Variants in ADRA1A observed in about 807,000 individuals in gnomAD.
The protein encoded by ADRA1A is adrenoceptor alpha 1A.
Under a neutral mutation model 29.6 loss-of-function variants are expected in ADRA1A, and 31 were observed. The observed-to-expected ratio is 1.05, with a 90% CI of 0.79 to 1.41. The LOEUF is 1.41. Ranked by LOEUF, ADRA1A falls within the 40% of genes most tolerant of loss-of-function variation. The pLI is 0.00. For synonymous variants in ADRA1A, 311 were observed against 254.3 expected, an observed-to-expected ratio of 1.22 and a Z score of -2.12; for missense variants, 619 against 601.1, an observed-to-expected ratio of 1.03 and a Z score of -0.31.
At chr8:26,765,820 A>T (rs1805745841), downstream of ADRA1A, 4 of 1,342,956 alleles carry the variant, frequency 3.0e-6, 1 homozygote, top group South Asian at 8.4e-5. Flanking sequence ...GCAATTGAGA[A>T]AGTTTGTCAA....
chr8:26,788,696 G>T (rs1807586920), intron 2 of ADRA1A, among the ~76,000 whole-genome samples: 2 of 151,932 alleles, frequency 1.3e-5, no homozygotes, highest in South Asian at 4.2e-4. Flanking sequence ...TTAATAATTT[G>T]CCAAAAAACA....
intron 2 of ADRA1A, among the ~76,000 whole-genome samples, chr8:26,833,914 G>A (rs1011956819): frequency 6.6e-6 from 1 of 152,200 alleles, no homozygotes; most frequent in African/African-American, 2.4e-5. Flanking sequence ...AATGCAATGA[G>A]CCAAGGAAAA....
intron 2 of ADRA1A, among the ~76,000 whole-genome samples, chr8:26,807,565 G>A (rs368427857): frequency 4.7e-5 from 7 of 149,194 alleles, no homozygotes; most frequent in African/African-American, 1.7e-4. Flanking sequence ...CCTTCAAAGT[G>A]GGGAGGACCA....
chr8:26,776,718 T>C (rs1381082351), intron 2 of ADRA1A, among the ~76,000 whole-genome samples: 1 of 152,212 alleles, frequency 6.6e-6, no homozygotes, highest in Non-Finnish European at 1.5e-5. Context: ...AGTAGTATCC[T>C]CAATAATTGC....
At chr8:26,752,917 G>GTCA (rs1478795279), downstream of ADRA1A, among the ~76,000 whole-genome samples, 6 of 152,326 alleles carry the variant, frequency 3.9e-5, no homozygotes, top group East Asian at 1.2e-3. Flanking sequence ...ATGTACAGTA[G>GTCA]TCATTGTTCT....
intron 2 of ADRA1A, among the ~76,000 whole-genome samples, chr8:26,862,193 G>A (rs1813525996): frequency 6.6e-6 from 1 of 152,160 alleles, no homozygotes; most frequent in Non-Finnish European, 1.5e-5. Flanking sequence ...TCATTGAACA[G>A]GTCAGGCTCT....
intron 2 of ADRA1A, among the ~76,000 whole-genome samples, chr8:26,797,322 C>A (rs1240869728): frequency 6.6e-6 from 1 of 151,892 alleles, no homozygotes; most frequent in Non-Finnish European, 1.5e-5. Flanking sequence ...TTTAAAACAG[C>A]GTCTCGCTCT....
intron 2 of ADRA1A, among the ~76,000 whole-genome samples, chr8:26,852,054 A>G (rs17056076): frequency 0.19 from 28,395 of 152,136 alleles, 2,780 homozygotes; most frequent in South Asian, 0.33. Context: ...ACCACAATGC[A>G]TTAAATTAGA....
rs1008452554 is a variant in ADRA1A, at chr8:26,860,044, G to A, written c.883+4043C>T. ...AGCCTCCCAAAGTGCTGGGATTAGA[G>A]GCATGAGCCACCGCGCCTGGCACCT... On this transcript the variant is annotated intron_variant, in intron 2 of 2. Coordinates refer to ENST00000380573, the MANE Select transcript of ADRA1A (RefSeq NM_000680.4). This position sits in a 1 kb window ranked among gnomAD's most constrained non-coding sequence, Gnocchi z 4.7. Among the ~76,000 whole-genome samples the A allele has an allele frequency of 6.6e-6, 1 of 152,090 alleles. No homozygotes were observed. The highest frequency in any genetic ancestry group is 2.4e-5 in the African/African-American group (1 of 41,406).
intron 2 of ADRA1A, among the ~76,000 whole-genome samples, chr8:26,819,780 T>C (rs1392513423): frequency 6.6e-6 from 1 of 152,082 alleles, no homozygotes; most frequent in African/African-American, 2.4e-5. Context: ...TAAATATAAA[T>C]GGATTAAATT....
At chr8:26,818,586 A>C (rs895419878) in intron 2 of ADRA1A, among the ~76,000 whole-genome samples, 1 of 152,166 alleles carries the variant, frequency 6.6e-6, no homozygotes, top group Non-Finnish European at 1.5e-5. Flanking sequence ...AGTTCGTTTT[A>C]TATGACTATA....
At chr8:26,776,164 G>A (rs1051526063) in intron 2 of ADRA1A, among the ~76,000 whole-genome samples, 13 of 152,250 alleles carry the variant, frequency 8.5e-5, no homozygotes, top group East Asian at 1.9e-4. Context: ...TTGATACACC[G>A]GTGAGTGCTA....
intron 2 of ADRA1A, chr8:26,859,296 A>C: frequency 2.3e-6 from 2 of 873,638 alleles, no homozygotes; most frequent in Non-Finnish European, 3.2e-6. Context: ...AAAACATATA[A>C]CATCTCGTTG....
At chr8:26,850,025 C>CAAAAAAAAAAACCA (rs141672591) in intron 2 of ADRA1A, among the ~76,000 whole-genome samples, 10 of 121,550 alleles carry the variant, frequency 8.2e-5, no homozygotes, top group Admixed American at 1.6e-4. Context: ...GAGAGAAATG[C>CAAAAAAAAAAACCA]AAAAACAAAA....
chr8:26,857,866 C>T (rs1257968538), intron 2 of ADRA1A, among the ~76,000 whole-genome samples: 1 of 152,096 alleles, frequency 6.6e-6, no homozygotes, highest in Non-Finnish European at 1.5e-5. Context: ...GTCCTTTTTC[C>T]TTGTCATTTT....
At position 26,848,307 on chromosome 8, in the gene ADRA1A, A is replaced by G. The variant is rs1812362411; in HGVS notation, c.883+15780T>C. The stretch of plus-strand genomic sequence containing the variant: ...AAGTTTGTGTCCTCCCCAAATCCAC[A>G]TGTTGAAACCCTAACCACCAGTGTG... On this transcript the variant is annotated intron_variant, in intron 2 of 2. Transcript: ENST00000380573. The surrounding 1 kb of genome is among the most constrained non-coding windows in gnomAD (Gnocchi z 4.3). 6.6e-6 allele frequency among the ~76,000 whole-genome samples: 1 copy of G among 152,230 alleles called. No individual in the cohort carries two copies. Among genetic ancestry groups the G allele is most frequent in the South Asian group, 2.1e-4 (1 of 4,836 alleles).
chr8:26,867,140 A>AT lies in ADRA1A; in HGVS notation c.-892dup. On this transcript the variant is annotated 5_prime_UTR_variant, in exon 1 of 3. In the 5' UTR this introduces an upstream ATG that the reference lacks. Coordinates refer to ENST00000380573, the MANE Select transcript of ADRA1A (RefSeq NM_000680.4). ...CCTGAACCGCTGTCACTTTACCTGCATTTTTTAAAAAGAGTCAAAATAAGA... is the reference window on the plus strand; with the variant it reads ...CCTGAACCGCTGTCACTTTACCTGCATTTTTTTAAAAAGAGTCAAAATAAGA... 1 of 985,408 alleles carries AT rather than the reference A, an allele frequency of 1.0e-6. No individual in the cohort carries two copies. The highest frequency in any genetic ancestry group is 1.7e-5 in the African/African-American group (1 of 57,340). 61.0% of individuals were successfully genotyped at this position (985,408 alleles called of 1,614,324 possible).
At chr8:26,839,346 G>A (rs549933587) in intron 2 of ADRA1A, among the ~76,000 whole-genome samples, 21 of 152,204 alleles carry the variant, frequency 1.4e-4, no homozygotes, top group African/African-American at 5.1e-4. Flanking sequence ...CTTTAGTAGA[G>A]ACGGGGTTTC....
chr8:26,811,587 A>G (rs1809400552), intron 2 of ADRA1A, among the ~76,000 whole-genome samples: 1 of 152,098 alleles, frequency 6.6e-6, no homozygotes, highest in Non-Finnish European at 1.5e-5. Context: ...CACTCAGAAA[A>G]CCTTTCTCAA....
Sources: allele counts gnomAD v4.1 joint callset (sites outside exome capture counted in the v4.1 genomes callset), GRCh38; gene constraint gnomAD v4.1.1; non-coding constraint Gnocchi (gnomAD v3.1); transcripts MANE v1.5; gene names NCBI Gene and HGNC (gene_info 2026-07-23, HGNC 2026-07-21).